Variants in GPR158 observed in about 807,000 individuals in gnomAD.
The protein encoded by GPR158 is metabotropic glycine receptor.
A neutral mutation model predicts 78.2 loss-of-function variants in GPR158; 30 were observed. The observed-to-expected ratio is 0.38, with a 90% CI of 0.29 to 0.52. GPR158 has a LOEUF of 0.52. GPR158 is among the 20% of genes least tolerant of loss of function. The probability of loss-of-function intolerance (pLI) is 0.83; values close to 1 mark genes in which losing one functional copy is unlikely to be tolerated. For missense variants in GPR158, 1,463 were observed against 1,523.5 expected (o/e 0.96, Z 0.66); for synonymous variants, 581 against 591.1 (o/e 0.98, Z 0.25).
intron 2 of GPR158, among the ~76,000 whole-genome samples, chr10:25,240,524 C>G (rs1853589566): frequency 6.6e-6 from 1 of 152,078 alleles, no homozygotes; most frequent in Non-Finnish European, 1.5e-5. Context: ...ACTAAATGGT[C>G]AGGACAGGCA....
At chr10:25,217,708 C>T (rs1418355578) in intron 1 of GPR158, among the ~76,000 whole-genome samples, 1 of 152,182 alleles carries the variant, frequency 6.6e-6, no homozygotes, top group Non-Finnish European at 1.5e-5. Flanking sequence ...GAGGTCCATT[C>T]ACAGAGAAAG....
intron 1 of GPR158, among the ~76,000 whole-genome samples, chr10:25,202,335 T>C (rs1852942617): frequency 6.6e-6 from 1 of 152,046 alleles, no homozygotes; most frequent in South Asian, 2.1e-4. Context: ...ATATGTGCCA[T>C]GTTGGTGTGC....
intron 4 of GPR158, among the ~76,000 whole-genome samples, chr10:25,437,120 A>G (rs1588864013): frequency 6.6e-6 from 1 of 152,194 alleles, no homozygotes; most frequent in South Asian, 2.1e-4. Context: ...ACTGGGACAA[A>G]CTGTTGGTAG....
intron 2 of GPR158, among the ~76,000 whole-genome samples, chr10:25,337,685 C>A (rs1855229538): frequency 6.6e-6 from 1 of 151,760 alleles, no homozygotes; most frequent in Non-Finnish European, 1.5e-5. Flanking sequence ...ATAGGGTGGG[C>A]AAATACTACT....
intron 2 of GPR158, among the ~76,000 whole-genome samples, chr10:25,241,669 A>G (rs80225188): frequency 6.6e-6 from 1 of 152,098 alleles, no homozygotes; most frequent in South Asian, 2.1e-4. Context: ...TGATCCCCCC[A>G]CCTTGGCCTC....
intron 2 of GPR158, among the ~76,000 whole-genome samples, chr10:25,315,305 T>C (rs970688458): frequency 4.6e-5 from 7 of 152,148 alleles, no homozygotes; most frequent in African/African-American, 1.7e-4. Flanking sequence ...AATTGGTGCA[T>C]GAGTATTCAT....
chr10:25,302,841 G>A (rs1854619105), intron 2 of GPR158, among the ~76,000 whole-genome samples: 1 of 152,218 alleles, frequency 6.6e-6, no homozygotes, highest in African/African-American at 2.4e-5. Context: ...ATTGAGCAAG[G>A]AATCTAGAAT....
At chr10:25,387,896 C>T (rs1253290173) in intron 2 of GPR158, among the ~76,000 whole-genome samples, 1 of 152,158 alleles carries the variant, frequency 6.6e-6, no homozygotes, top group Non-Finnish European at 1.5e-5. Context: ...CCATTGAAGA[C>T]ATCTGGTTAT....
chr10:25,204,698 A>G (rs1365769382), intron 1 of GPR158, among the ~76,000 whole-genome samples: 1 of 151,178 alleles, frequency 6.6e-6, no homozygotes, highest in Non-Finnish European at 1.5e-5. Flanking sequence ...CTTCAGGGAT[A>G]TTGGTCTAAA....
intron 5 of GPR158, among the ~76,000 whole-genome samples, chr10:25,529,318 C>T (rs1402066775): frequency 2.0e-5 from 3 of 151,746 alleles, no homozygotes; most frequent in African/African-American, 4.9e-5. Context: ...ACTCGGGAGG[C>T]GGAGGTAGCA....
intron 4 of GPR158, among the ~76,000 whole-genome samples, chr10:25,444,173 G>T (rs1206807404): frequency 2.0e-5 from 3 of 151,992 alleles, no homozygotes; most frequent in African/African-American, 7.3e-5. Flanking sequence ...TTCCTCTACT[G>T]CAGTCTGTGA....
Position 25,230,804 on chromosome 10 carries a change from C to T in GPR158, c.1008+9647C>T, listed in dbSNP as rs79748199. 1.1e-4 allele frequency among the ~76,000 whole-genome samples: 17 copies of T among 152,204 alleles called. No individual in the cohort carries two copies. The East Asian group carries it at 2.1e-3, about 19-fold the overall frequency. On this transcript the variant is annotated intron_variant, in intron 2 of 10. Coordinates refer to ENST00000376351, the MANE Select transcript of GPR158 (RefSeq NM_020752.3). The stretch of plus-strand genomic sequence containing the variant: ...TAGTAGATTATAAATTTGAATGTCA[C>T]GGTTATTCAGTCACACCTTGCAGGG...
At chr10:25,543,157 G>C (rs1351623062) in intron 5 of GPR158, among the ~76,000 whole-genome samples, 2 of 151,972 alleles carry the variant, frequency 1.3e-5, no homozygotes, top group African/African-American at 2.4e-5. Context: ...ATCTCACTCT[G>C]TCACCCAGGC....
At chr10:25,337,552 G>A (rs1034765521) in intron 2 of GPR158, among the ~76,000 whole-genome samples, 4 of 151,854 alleles carry the variant, frequency 2.6e-5, no homozygotes, top group Non-Finnish European at 5.9e-5. Flanking sequence ...TTATTATGAT[G>A]GACATTTAGA....
At chr10:25,410,452 C>T (rs1039632203) in intron 3 of GPR158, among the ~76,000 whole-genome samples, 2 of 152,070 alleles carry the variant, frequency 1.3e-5, no homozygotes, top group African/African-American at 2.4e-5. Context: ...CCTGTCTCTA[C>T]TAAAAACACA....
intron 1 of GPR158, among the ~76,000 whole-genome samples, chr10:25,218,282 A>G (rs1487762357): frequency 6.6e-6 from 1 of 151,976 alleles, no homozygotes; most frequent in Non-Finnish European, 1.5e-5. Flanking sequence ...ACGGTTTTGC[A>G]CAAGCCTGGA....
intron 5 of GPR158, among the ~76,000 whole-genome samples, chr10:25,487,069 C>T (rs760973674): frequency 5.9e-5 from 9 of 152,126 alleles, no homozygotes; most frequent in Non-Finnish European, 4.4e-5. Flanking sequence ...ATGGGAATCA[C>T]GATATAACAG....
chr10:25,220,929 G>GAGT, intron 1 of GPR158, 123 bp from the exon 2 acceptor site: 2 of 618,806 alleles, frequency 3.2e-6, no homozygotes, highest in Non-Finnish European at 5.6e-6. Context: ...GGTTGAATAT[G>GAGT]AGTAGGCAAT....
chr10:25,441,194 CTATTAACTCTTCT>C (rs1384717995), intron 4 of GPR158, among the ~76,000 whole-genome samples: 1 of 152,100 alleles, frequency 6.6e-6, no homozygotes, highest in African/African-American at 2.4e-5. Context: ...TTTTCTCTTC[CTATTAACTCTTCT>C]TATTAACTCA....
Sources: allele counts gnomAD v4.1 joint callset (sites outside exome capture counted in the v4.1 genomes callset), GRCh38; gene constraint gnomAD v4.1.1; transcripts MANE v1.5; gene names NCBI Gene and HGNC (gene_info 2026-07-23, HGNC 2026-07-21).